The following NMRK2 variants were observed in gnomAD, a reference collection of about 807,000 sequenced individuals.
The protein encoded by NMRK2 is nicotinamide riboside kinase 2, also known as NRK 2.
NMRK2 carries 34 observed loss-of-function variants against 24.7 expected under a neutral mutation model. The ratio of observed to expected loss-of-function variants is 1.37; its 90% confidence interval spans 1.05 to 1.83. NMRK2 has a LOEUF of 1.83. Among genes scored for constraint, NMRK2 ranks in the 40% most tolerant of loss-of-function variants. The pLI is 0.00. For synonymous variants in NMRK2, 145 were observed against 125.6 expected (o/e 1.15, Z -1.03); for missense variants, 341 against 315.0 (o/e 1.08, Z -0.62).
chr19:3,940,006 G>A, intron 6 of NMRK2, 35 bp downstream of exon 6: 4 of 1,580,600 alleles, frequency 2.5e-6, no homozygotes, highest in Middle Eastern at 1.7e-4. Flanking sequence ...GTGGGCTCCT[G>A]AGGGCCCTGT....
chr19:3,939,047 C>T (rs1275172168), intron 5 of NMRK2, among the ~76,000 whole-genome samples: 1 of 151,540 alleles, frequency 6.6e-6, no homozygotes, highest in Admixed American at 6.6e-5. Flanking sequence ...TGGGTTTCAC[C>T]CTATTGGACC....
chr19:3,934,553 G>A (rs2039177852), intron 2 of NMRK2, among the ~76,000 whole-genome samples: 1 of 60,914 alleles, frequency 1.6e-5, no homozygotes, highest in Admixed American at 2.4e-4. Flanking sequence ...TGTTTTTTGG[G>A]GTTTTTTTTT....
intron 2 of NMRK2, among the ~76,000 whole-genome samples, chr19:3,935,814 A>G (rs2039203018): frequency 6.7e-6 from 1 of 148,726 alleles, no homozygotes; most frequent in South Asian, 2.2e-4. Context: ...CAAGCGATCC[A>G]CCTGCTTCGG....
chr19:3,933,623 C>T lies in NMRK2; in HGVS notation c.-49C>T, dbSNP rs189820343. On this transcript the variant is annotated 5_prime_UTR_variant, in exon 2 of 8. Coordinates refer to ENST00000168977, the MANE Select transcript of NMRK2 (RefSeq NM_170678.3). ...TCCGGAGCGCACTGCGTGGTCGCACCCTACCCGGGCTGCCTTGGAAGTCGT... is the reference window on the plus strand; with the variant it reads ...TCCGGAGCGCACTGCGTGGTCGCACTCTACCCGGGCTGCCTTGGAAGTCGT... 7.7e-4 allele frequency: 1,161 copies of T among 1,516,710 alleles called. 7 individuals carry two copies. The African/African-American group carries it at 0.015, about 20-fold the overall frequency. The allele number at this position is 1,516,710 out of a possible 1,614,324, so 94.0% of individuals were successfully genotyped here.
Position 3,937,104 on chromosome 19 carries a change from CTG to C in NMRK2, c.118-135_118-134del, listed in dbSNP as rs958337446. On this transcript the variant is annotated intron_variant, in intron 3 of 7. Transcript: ENST00000168977. ...AGATGATTGATGGTCTGGGGAAAAT[CTG>C]AGGGTCAGGCAGAGCCCCCACGCCT... 1.3e-5 allele frequency: 10 copies of C among 772,296 alleles called. No individual in the cohort carries two copies. The Admixed American group carries it at 1.7e-4, about 13-fold the overall frequency. The allele number at this position is 772,296 out of a possible 1,614,324, so 47.8% of individuals were successfully genotyped here. A position where few individuals can be genotyped will look rare whatever the true frequency, so the allele number is the denominator to read the frequency against.
At chr19:3,941,198 A>C in intron 7 of NMRK2, 21 bp downstream of exon 7, 2 of 750,732 alleles carry the variant, frequency 2.7e-6, no homozygotes, top group Non-Finnish European at 4.3e-6. Context: ...GAGCATGACC[A>C]GGCCTTGCCC....
chr19:3,938,920 C>G (rs1467507966), intron 5 of NMRK2, among the ~76,000 whole-genome samples, 161 bp downstream of exon 5: 1 of 136,848 alleles, frequency 7.3e-6, no homozygotes, highest in Non-Finnish European at 1.5e-5. Flanking sequence ...GAGATCCTGA[C>G]TCACTGCAAC....
In NMRK2 at chr19:3,942,334, T is replaced by C. The variant is rs1599167262; in HGVS notation, c.*61T>C. 6.7e-7 allele frequency: 1 copy of C among 1,483,952 alleles called. No homozygotes were observed. The highest frequency in any genetic ancestry group is 2.4e-5 in the East Asian group (1 of 40,918). The allele number at this position is 1,483,952 out of a possible 1,614,324, so 91.9% of individuals were successfully genotyped here. On this transcript the variant is annotated 3_prime_UTR_variant, in exon 8 of 8. Transcript: ENST00000168977. ...TGGAGGCCCCACTCCCAGTTGGGCG[T>C]CCCGGAGCTCAGGGACTGAGCCCCA...
At chr19:3,939,753 C>A in intron 5 of NMRK2, 147 bp from the exon 6 acceptor site, 1 of 626,842 alleles carries the variant, frequency 1.6e-6, no homozygotes, top group Non-Finnish European at 2.8e-6. Context: ...GCCAATTCAG[C>A]TTCCCTCCCT....
intron 7 of NMRK2, 48 bp downstream of exon 7, chr19:3,941,225 ACCCT>A (rs775034279): frequency 2.2e-6 from 2 of 892,186 alleles, no homozygotes; most frequent in South Asian, 2.9e-5. Flanking sequence ...GGCGGGGGGG[ACCCT>A]GGGCCCAGCC....
rs775678536 is a variant in NMRK2, at chr19:3,938,832, T to G, written c.323+73T>G. The G allele has an allele frequency of 9.5e-4, 568 of 600,298 alleles. 19 individuals carry two copies. Among genetic ancestry groups the G allele is most frequent in the African/African-American group, 8.8e-3 (201 of 22,752 alleles). The allele number at this position is 600,298 out of a possible 1,614,324, so 37.2% of individuals were successfully genotyped here. A position where few individuals can be genotyped will look rare whatever the true frequency, so the allele number is the denominator to read the frequency against. Reference sequence around the variant, plus strand: ...GTATAGCCATCTCTTGTTTTTTTTTTTTTTTTTTTTTGTTTTGTTTTTTTT... The same window carrying G: ...GTATAGCCATCTCTTGTTTTTTTTTGTTTTTTTTTTTGTTTTGTTTTTTTT... On this transcript the variant is annotated intron_variant, in intron 5 of 7. Coordinates refer to ENST00000168977, the MANE Select transcript of NMRK2 (RefSeq NM_170678.3).
chr19:3,935,860 C>A (rs1263969288), intron 2 of NMRK2, among the ~76,000 whole-genome samples: 1 of 151,972 alleles, frequency 6.6e-6, no homozygotes, highest in Non-Finnish European at 1.5e-5. Context: ...CATGAGCCAC[C>A]GTGCATGGCC....
Position 3,936,645 on chromosome 19 carries a change from C to T in NMRK2, c.97C>T (p.His33Tyr), listed in dbSNP as rs561372448. The T allele has an allele frequency of 4.5e-6, 7 of 1,570,320 alleles. No individual in the cohort carries two copies. Among genetic ancestry groups the T allele is most frequent in the African/African-American group, 1.4e-5 (1 of 73,952 alleles). The change falls in exon 3 of 8, where the codon CAT (histidine) becomes TAT (tyrosine). Residue 33 changes from histidine (H) to tyrosine (Y), a missense_variant. Transcript: ENST00000168977. ...AGCCCTGCCCAACTGCTGCGTGATC[C>T]ATCAGGATGACTTCTTCAAGGTGCC... ...LRALPNCCVIHQDDFFKPQDQ... is the reference protein window; with the variant it reads ...LRALPNCCVIYQDDFFKPQDQ...
At position 3,939,957 on chromosome 19, in the gene NMRK2, C is replaced by T. The variant is rs1568181532; in HGVS notation, c.381C>T (p.Cys127=). 6.2e-7 allele frequency: 1 copy of T among 1,613,434 alleles called. No homozygotes were observed. Among genetic ancestry groups the T allele is most frequent in the African/African-American group, 1.3e-5 (1 of 75,020 alleles). The change falls in exon 6 of 8, where the codon TGC becomes TGT. Residue 127 remains cysteine (C), a synonymous_variant. Transcript: ENST00000168977. ...TCCTGACCGTCCCGTATGAAGAGTG[C>T]AAGTGGAGGAGAAGGTGCACTTGGT... is the stretch of plus-strand genomic sequence containing the variant. ...RYFLTVPYEE[C]KWRRSTRNYT... is the part of the protein sequence containing the mutation.
rs1599157058 is a variant in NMRK2 at position 3,933,613 on chromosome 19, G to A, written c.-59G>A. 3.3e-6 allele frequency: 5 copies of A among 1,513,272 alleles called. No individual in the cohort carries two copies. The highest frequency in any genetic ancestry group is 4.4e-6 in the Non-Finnish European group (5 of 1,131,766). The allele number at this position is 1,513,272 out of a possible 1,614,324, so 93.7% of individuals were successfully genotyped here. On this transcript the variant is annotated 5_prime_UTR_variant, in exon 2 of 8. It adds an upstream start codon to the 5' untranslated region. Coordinates refer to ENST00000168977, the MANE Select transcript of NMRK2 (RefSeq NM_170678.3). ...CGGGACGCACTCCGGAGCGCACTGC[G>A]TGGTCGCACCCTACCCGGGCTGCCT...
chr19:3,941,873 C>T (rs1355643971), intron 7 of NMRK2, among the ~76,000 whole-genome samples: 1 of 152,072 alleles, frequency 6.6e-6, no homozygotes, highest in African/African-American at 2.4e-5. Flanking sequence ...GAACTCCTGA[C>T]CTCGTGATCC....
At chr19:3,936,917 C>G (rs966709048) in intron 3 of NMRK2, among the ~76,000 whole-genome samples, 1 of 152,156 alleles carries the variant, frequency 6.6e-6, no homozygotes, top group South Asian at 2.1e-4. Flanking sequence ...AGTGGGGACC[C>G]CAGTTAGATG....
At chr19:3,938,784 C>T (rs12459191) in intron 5 of NMRK2, 25 bp downstream of exon 5, 317,425 of 1,509,602 alleles carry the variant, frequency 0.21, 37,206 homozygotes, top group South Asian at 0.37. Context: ...GCTCTGGCCC[C>T]AGGCATGGCC....
chr19:3,933,625 T>A lies in NMRK2; in HGVS notation c.-47T>A. 1 of 1,516,966 alleles carries A rather than the reference T, an allele frequency of 6.6e-7. No individual in the cohort carries two copies. The highest frequency in any genetic ancestry group is 8.8e-7 in the Non-Finnish European group (1 of 1,134,112). The allele number at this position is 1,516,966 out of a possible 1,614,324, so 94.0% of individuals were successfully genotyped here. Reference sequence around the variant, plus strand: ...CGGAGCGCACTGCGTGGTCGCACCCTACCCGGGCTGCCTTGGAAGTCGTCC... The same window carrying A: ...CGGAGCGCACTGCGTGGTCGCACCCAACCCGGGCTGCCTTGGAAGTCGTCC... On this transcript the variant is annotated 5_prime_UTR_variant, in exon 2 of 8. Transcript: ENST00000168977.
Sources: allele counts gnomAD v4.1 joint callset (sites outside exome capture counted in the v4.1 genomes callset), GRCh38; gene constraint gnomAD v4.1.1; transcripts MANE v1.5; gene names NCBI Gene and HGNC (gene_info 2026-07-23, HGNC 2026-07-21).